Variants in PFKFB3 observed in about 807,000 individuals in gnomAD.
The protein encoded by PFKFB3 is 6-phosphofructo-2-kinase/fructose-2,6-bisphosphatase 3.
A neutral mutation model predicts 68.0 loss-of-function variants in PFKFB3; 33 were observed. The observed-to-expected ratio is 0.49, with a 90% CI of 0.37 to 0.65. The LOEUF is 0.65. Among genes scored for constraint, PFKFB3 ranks in the 30% least tolerant of loss-of-function variants. PFKFB3 has a pLI of 0.00. For synonymous variants in PFKFB3, 315 were observed against 288.2 expected, an observed-to-expected ratio of 1.09 and a Z score of -0.94; for missense variants, 586 against 712.2, an observed-to-expected ratio of 0.82 and a Z score of 2.02.
At chr10:6,216,246 C>T (rs1470007805) in intron 4 of PFKFB3, 55 bp downstream of exon 4, 1 of 1,495,262 alleles carries the variant, frequency 6.7e-7, no homozygotes, top group East Asian at 2.3e-5. Context: ...TGAGGGTGTC[C>T]TCACCGGCCT....
At chr10:6,231,340 TGTCCCGCACCGC>T in intron 14 of PFKFB3, 8 of 1,612,276 alleles carry the variant, frequency 5.0e-6, no homozygotes, top group Non-Finnish European at 6.8e-6. Context: ...CATGTCCCTC[TGTCCCGCACCGC>T]GTCACGGCAT....
intron 6 of PFKFB3, among the ~76,000 whole-genome samples, chr10:6,218,428 A>G (rs1327214715): frequency 1.3e-5 from 2 of 150,254 alleles, no homozygotes. Flanking sequence ...TTATTTATTT[A>G]TTTATTTATT....
chr10:6,263,174 A>G, the PFKFB3 span, among the ~76,000 whole-genome samples: 1 of 152,244 alleles, frequency 6.6e-6, no homozygotes, highest in Non-Finnish European at 1.5e-5. Flanking sequence ...ATATTAAATT[A>G]ACTAAAAGTA....
At chr10:6,310,350 G>T in the PFKFB3 span, among the ~76,000 whole-genome samples, 1 of 152,220 alleles carries the variant, frequency 6.6e-6, no homozygotes, top group African/African-American at 2.4e-5. Context: ...TACAAGGCAG[G>T]TTTTATCTCA....
At chr10:6,289,691 C>G in the PFKFB3 span, among the ~76,000 whole-genome samples, 1 of 152,158 alleles carries the variant, frequency 6.6e-6, no homozygotes, top group East Asian at 1.9e-4. Flanking sequence ...GATGCGGGCT[C>G]TTTTTGGTTC....
chr10:6,228,231 C>T lies in PFKFB3; in HGVS notation c.1515+1866C>T, dbSNP rs1845487395. The T allele has an allele frequency of 1.2e-6, 2 of 1,612,596 alleles. No individual in the cohort carries two copies. Among genetic ancestry groups the T allele is most frequent in the Non-Finnish European group, 1.7e-6 (2 of 1,179,722 alleles). On this transcript the variant is annotated intron_variant, in intron 14 of 14. Transcript: ENST00000379775. The surrounding 1 kb of genome is among the most constrained non-coding windows in gnomAD (Gnocchi z 4.5). The stretch of plus-strand genomic sequence containing the variant: ...GGCAAGCCTGTCTGTAAGTATCTCT[C>T]CGATCATCGCTGCTGCTTGCACTGC...
Position 6,220,268 on chromosome 10 carries a change from AT to A in PFKFB3, c.624-380del, listed in dbSNP as rs375778461. Among the ~76,000 whole-genome samples the A allele has an allele frequency of 5.5e-5, 8 of 146,788 alleles. No individual in the cohort carries two copies. The highest frequency in any genetic ancestry group is 7.6e-5 in the African/African-American group (3 of 39,594). ...AGGTGTGGGTGTCCACGCCCAGCTA[AT>A]TTTTTTTTTCTTTAGTAGAGATGAG... On this transcript the variant is annotated intron_variant, in intron 7 of 14. Coordinates refer to ENST00000379775, the MANE Select transcript of PFKFB3 (RefSeq NM_004566.4). This position sits in a 1 kb window ranked among gnomAD's most constrained non-coding sequence, Gnocchi z 4.1.
chr10:6,301,495 C>G, the PFKFB3 span, among the ~76,000 whole-genome samples: 2 of 152,198 alleles, frequency 1.3e-5, no homozygotes, highest in South Asian at 2.1e-4. Context: ...CCCAGAGAAG[C>G]ACATTGTTTC....
chr10:6,211,987 G>T (rs570890947), intron 1 of PFKFB3, among the ~76,000 whole-genome samples: 1 of 152,332 alleles, frequency 6.6e-6, no homozygotes, highest in African/African-American at 2.4e-5. Flanking sequence ...CTTCTTTCCT[G>T]AGCTGCGGCC....
the PFKFB3 span, chr10:6,294,565 A>T: frequency 1.2e-5 from 2 of 171,180 alleles, no homozygotes; most frequent in Non-Finnish European, 2.5e-5. Flanking sequence ...CCCATGACAC[A>T]TGGGAATTAC....
downstream of PFKFB3, chr10:6,235,665 G>C (rs1349350586): frequency 1.3e-5 from 2 of 152,198 alleles, no homozygotes; most frequent in African/African-American, 4.8e-5. Context: ...CAAGTACAGA[G>C]TGTCTAGTGC....
At chr10:6,257,706 G>C (rs904846973), downstream of PFKFB3, among the ~76,000 whole-genome samples, 2 of 152,184 alleles carry the variant, frequency 1.3e-5, no homozygotes, top group African/African-American at 4.8e-5. Context: ...GACACACCCT[G>C]CGATGAGGGT....
intron 1 of PFKFB3, among the ~76,000 whole-genome samples, chr10:6,184,540 G>A (rs942364994): frequency 6.6e-6 from 1 of 150,966 alleles, no homozygotes; most frequent in African/African-American, 2.4e-5. Context: ...GTGTGATCTC[G>A]GCTCACTGCA....
chr10:6,207,500 C>T (rs1843871573), intron 1 of PFKFB3, among the ~76,000 whole-genome samples: 1 of 152,154 alleles, frequency 6.6e-6, no homozygotes, highest in Non-Finnish European at 1.5e-5. Flanking sequence ...CTATGTTGCT[C>T]AGGCTGATCT....
chr10:6,236,578 G>A (rs1357075842), downstream of PFKFB3, among the ~76,000 whole-genome samples: 1 of 152,242 alleles, frequency 6.6e-6, no homozygotes, highest in Non-Finnish European at 1.5e-5. Flanking sequence ...CCAGGGTTGC[G>A]ATCTGGCTGC....
chr10:6,159,215 T>G (rs1841897776), intron 1 of PFKFB3, among the ~76,000 whole-genome samples: 1 of 151,884 alleles, frequency 6.6e-6, no homozygotes, highest in Admixed American at 6.6e-5. Flanking sequence ...CCCAACATGG[T>G]GAAACCCTGT....
intron 13 of PFKFB3, 56 bp downstream of exon 13, chr10:6,224,269 G>A (rs1306373413): frequency 4.4e-6 from 7 of 1,573,036 alleles, no homozygotes; most frequent in Non-Finnish European, 4.4e-6. Flanking sequence ...GCCCTAGTGG[G>A]TGATGGGCGC....
At chr10:6,206,964 A>G (rs1259666051) in intron 1 of PFKFB3, among the ~76,000 whole-genome samples, 4 of 148,790 alleles carry the variant, frequency 2.7e-5, no homozygotes, top group African/African-American at 7.4e-5. Flanking sequence ...CTGGGCAGCC[A>G]GGCAGAGGGG....
downstream of PFKFB3, among the ~76,000 whole-genome samples, chr10:6,256,844 C>T (rs557160460): frequency 2.6e-5 from 4 of 152,208 alleles, no homozygotes; most frequent in South Asian, 2.1e-4. Flanking sequence ...CAAAGGGAAC[C>T]GTGCGAAGGG....
Sources: allele counts gnomAD v4.1 joint callset (sites outside exome capture counted in the v4.1 genomes callset), GRCh38; gene constraint gnomAD v4.1.1; non-coding constraint Gnocchi (gnomAD v3.1); transcripts MANE v1.5; gene names NCBI Gene and HGNC (gene_info 2026-07-23, HGNC 2026-07-21).